Variants in DLG2 observed in about 807,000 individuals in gnomAD.
DLG2 encodes the protein disks large homolog 2.
In DLG2, 45 loss-of-function variants were observed where a neutral mutation model predicts 132.5. The observed-to-expected ratio is 0.34, with a 90% confidence interval of 0.27 to 0.44. DLG2 has a LOEUF of 0.44. Ranked by LOEUF, DLG2 falls within the 20% of genes least tolerant of loss-of-function variation. DLG2 has a pLI of 1.00. For synonymous variants in DLG2, 424 were observed against 419.6 expected (o/e 1.01, Z -0.13); for missense variants, 1,045 against 1,196.9 (o/e 0.87, Z 1.87).
At chr11:84,823,667 G>T (rs1490679047) in intron 6 of DLG2, among the ~76,000 whole-genome samples, 1 of 147,700 alleles carries the variant, frequency 6.8e-6, no homozygotes, top group Admixed American at 6.8e-5. Context: ...TTTCTCCATA[G>T]CACATATATC....
intron 7 of DLG2, among the ~76,000 whole-genome samples, chr11:84,308,126 TA>T (rs1220076342): frequency 6.6e-6 from 1 of 152,146 alleles, no homozygotes; most frequent in Non-Finnish European, 1.5e-5. Flanking sequence ...TTTATTCTCT[TA>T]TCTGGCCCCA....
chr11:83,482,442 C>T (rs982255845), intron 22 of DLG2, among the ~76,000 whole-genome samples: 3 of 152,032 alleles, frequency 2.0e-5, no homozygotes, highest in African/African-American at 7.2e-5. Flanking sequence ...GAGGAAAAAT[C>T]ATAATGTAGT....
intron 18 of DLG2, among the ~76,000 whole-genome samples, chr11:83,653,619 T>G (rs1263837559): frequency 2.0e-5 from 3 of 152,258 alleles, no homozygotes; most frequent in Admixed American, 2.0e-4. Context: ...GAAGAATTTC[T>G]TTGGGGCCAT....
chr11:83,758,347 C>T (rs913162988), intron 18 of DLG2, among the ~76,000 whole-genome samples: 2 of 152,172 alleles, frequency 1.3e-5, no homozygotes, highest in Non-Finnish European at 2.9e-5. Flanking sequence ...CCACCCACTC[C>T]CCATAACCCA....
At chr11:85,379,120 G>A (rs1297937502) in intron 3 of DLG2, among the ~76,000 whole-genome samples, 3 of 152,170 alleles carry the variant, frequency 2.0e-5, no homozygotes, top group Non-Finnish European at 2.9e-5. Context: ...TAGGTCAACA[G>A]AAAAGTAAAT....
At chr11:84,844,127 GTGTGTGTGTA>G (rs1253703407) in intron 6 of DLG2, among the ~76,000 whole-genome samples, 20 of 25,956 alleles carry the variant, frequency 7.7e-4, no homozygotes, top group Non-Finnish European at 1.6e-3. Flanking sequence ...GTGTGTGTGT[GTGTGTGTGTA>G]TATATATATA....
intron 7 of DLG2, among the ~76,000 whole-genome samples, chr11:84,509,806 T>C (rs987172414): frequency 3.3e-5 from 5 of 152,024 alleles, no homozygotes; most frequent in East Asian, 1.9e-4. Flanking sequence ...CAAAATGTGA[T>C]CTAATATATG....
At chr11:85,532,188 C>T (rs56238215) in intron 3 of DLG2, among the ~76,000 whole-genome samples, 23,519 of 152,084 alleles carry the variant, frequency 0.15, 2,251 homozygotes, top group East Asian at 0.28. Flanking sequence ...AGTGGTCTTA[C>T]GTATGAAATA....
chr11:84,129,573 T>C (rs943848600), intron 9 of DLG2, among the ~76,000 whole-genome samples: 1 of 152,094 alleles, frequency 6.6e-6, no homozygotes, highest in Non-Finnish European at 1.5e-5. Flanking sequence ...AACAGCCACG[T>C]CAGGCAGAAG....
chr11:85,592,325 A>G (rs892944935), intron 3 of DLG2, among the ~76,000 whole-genome samples: 1 of 152,256 alleles, frequency 6.6e-6, no homozygotes, highest in African/African-American at 2.4e-5. Context: ...ACAAATAAGT[A>G]GAAACATAAT....
At chr11:85,465,227 C>T (rs2153065154) in intron 3 of DLG2, among the ~76,000 whole-genome samples, 1 of 148,908 alleles carries the variant, frequency 6.7e-6, no homozygotes, top group South Asian at 2.2e-4. Flanking sequence ...ACTGGAAACT[C>T]AAACTCCTGG....
intron 6 of DLG2, among the ~76,000 whole-genome samples, chr11:85,110,957 T>G (rs977053565): frequency 1.3e-5 from 2 of 152,134 alleles, no homozygotes; most frequent in Non-Finnish European, 2.9e-5. Flanking sequence ...GAGACACCAC[T>G]GTCATTTCTA....
chr11:83,880,382 G>A (rs924429401), intron 15 of DLG2, among the ~76,000 whole-genome samples: 1 of 152,168 alleles, frequency 6.6e-6, no homozygotes. Context: ...ATTAAGAAAA[G>A]AGAATGTATT....
rs1253547712 is a variant in DLG2 at position 83,988,146 on chromosome 11, C to CTGTT, written c.920-7508_920-7505dup. Among the ~76,000 whole-genome samples, 2 of 151,984 alleles carry CTGTT rather than the reference C, an allele frequency of 1.3e-5. 1 individual carries two copies. On this transcript the variant is annotated intron_variant, in intron 11 of 27. Transcript: ENST00000376104. Reference sequence around the variant, plus strand: ...AGAAGTTCTTTAGTTTAATTAAATCCTGTTTGTCAATGTTTGCTTTCGTTG... The same window carrying CTGTT: ...AGAAGTTCTTTAGTTTAATTAAATCCTGTTTGTTTGTCAATGTTTGCTTTCGTTG...
intron 17 of DLG2, chr11:83,790,800 C>A: frequency 1.3e-6 from 1 of 753,250 alleles, no homozygotes; most frequent in Non-Finnish European, 2.5e-6. Context: ...GGGGAAAGAG[C>A]GCCCTCCCAC....
intron 6 of DLG2, among the ~76,000 whole-genome samples, chr11:84,913,088 T>C (rs1397139055): frequency 6.6e-6 from 1 of 152,160 alleles, no homozygotes; most frequent in Non-Finnish European, 1.5e-5. Flanking sequence ...ACAGGATTTG[T>C]GGATTAATTA....
intron 7 of DLG2, among the ~76,000 whole-genome samples, chr11:84,265,092 T>C (rs2097599589): frequency 6.6e-6 from 1 of 152,236 alleles, no homozygotes. Context: ...TGGTCTTAGC[T>C]AATTAATTTA....
chr11:84,717,899 C>A (rs2061401830), intron 6 of DLG2, among the ~76,000 whole-genome samples: 1 of 152,024 alleles, frequency 6.6e-6, no homozygotes, highest in Non-Finnish European at 1.5e-5. Flanking sequence ...GCTGTGGCCA[C>A]TTTACATATG....
chr11:84,219,520 G>A (rs559633689), intron 8 of DLG2, among the ~76,000 whole-genome samples: 1 of 152,214 alleles, frequency 6.6e-6, no homozygotes, highest in Non-Finnish European at 1.5e-5. Context: ...ATACTTCTTG[G>A]GATATGGTAA....
Sources: gnomAD v4.1 joint callset for allele counts (sites outside exome capture counted in the v4.1 genomes callset) on GRCh38, gnomAD v4.1.1 for gene constraint, MANE v1.5 for transcripts, NCBI Gene and HGNC (gene_info 2026-07-23, HGNC 2026-07-21) for gene names.